BRD10: variants seen among roughly 807,000 people sequenced by gnomAD.
BRD10 encodes bromodomain containing 10, also known as uncharacterized bromodomain-containing protein 10.
At chr9:5,941,456 A>T in the BRD10 span, among the ~76,000 whole-genome samples, 1 of 152,230 alleles carries the variant, frequency 6.6e-6, no homozygotes, top group Non-Finnish European at 1.5e-5. Context: ...TCTCAACCAG[A>T]GGTCTCACTT....
the BRD10 span, among the ~76,000 whole-genome samples, chr9:5,944,256 C>T: frequency 1.3e-5 from 2 of 151,964 alleles, no homozygotes; most frequent in Admixed American, 1.3e-4. Flanking sequence ...TAATAAATAG[C>T]ACAATTGAGT....
chr9:5,908,588 G>A, the BRD10 span: 1 of 1,465,122 alleles, frequency 6.8e-7, no homozygotes, highest in Non-Finnish European at 9.5e-7. Flanking sequence ...TCCCTTCCTA[G>A]AAACACATAC....
the BRD10 span, chr9:5,967,960 T>C: frequency 1.1e-5 from 12 of 1,102,524 alleles, no homozygotes; most frequent in Admixed American, 2.8e-5. Flanking sequence ...TGATGCATAA[T>C]GGAAAAAACA....
chr9:5,924,562 A>G, the BRD10 span: 4,139 of 644,346 alleles, frequency 6.4e-3, 22 homozygotes, highest in Middle Eastern at 0.014. Context: ...CCTAATCAAT[A>G]TATTTCATTG....
the BRD10 span, among the ~76,000 whole-genome samples, chr9:5,952,026 T>TATTTATTTATTCATTC: frequency 1.3e-5 from 2 of 149,386 alleles, no homozygotes; most frequent in Non-Finnish European, 1.5e-5. Flanking sequence ...TTTATTTATT[T>TATTTATTTATTCATTC]ATTTATTTAT....
chr9:6,005,764 T>A, the BRD10 span, among the ~76,000 whole-genome samples: 1 of 152,226 alleles, frequency 6.6e-6, no homozygotes, highest in Admixed American at 6.5e-5. Flanking sequence ...ACAGCAATAA[T>A]GCACTGTGGA....
chr9:5,941,359 TTTC>T, the BRD10 span, among the ~76,000 whole-genome samples: 1 of 152,206 alleles, frequency 6.6e-6, no homozygotes, highest in Admixed American at 6.5e-5. Flanking sequence ...AATGTTCTGA[TTTC>T]TTCTTTAGAT....
the BRD10 span, among the ~76,000 whole-genome samples, chr9:5,966,180 G>A: frequency 6.6e-6 from 1 of 152,130 alleles, no homozygotes; most frequent in South Asian, 2.1e-4. Flanking sequence ...CTAAGGCTTA[G>A]AGTACTTGCT....
chr9:5,972,640 C>T, the BRD10 span, among the ~76,000 whole-genome samples: 4 of 152,272 alleles, frequency 2.6e-5, no homozygotes, highest in South Asian at 2.1e-4. Flanking sequence ...TTTCTCACCA[C>T]GTGATATGTT....
chr9:5,930,766 C>T, the BRD10 span, among the ~76,000 whole-genome samples: 13 of 152,094 alleles, frequency 8.5e-5, no homozygotes, highest in South Asian at 2.1e-3. Context: ...ACACAAAGGA[C>T]GCAAGTTAAA....
chr9:5,926,783 G>T, the BRD10 span, among the ~76,000 whole-genome samples: 1 of 151,868 alleles, frequency 6.6e-6, no homozygotes, highest in East Asian at 1.9e-4. Flanking sequence ...TGCCTGCCTC[G>T]GCCTCCCAAA....
chr9:5,882,605 C>G, the BRD10 span, among the ~76,000 whole-genome samples: 1 of 152,334 alleles, frequency 6.6e-6, no homozygotes, highest in Middle Eastern at 3.4e-3. Context: ...TCCAGTCTCA[C>G]ACTGAAGTCA....
the BRD10 span, chr9:5,924,672 T>A: frequency 2.0e-6 from 3 of 1,504,316 alleles, no homozygotes; most frequent in Non-Finnish European, 2.7e-6. Flanking sequence ...ATCAAAGTGA[T>A]CTTTCTCCAG....
the BRD10 span, among the ~76,000 whole-genome samples, chr9:5,958,205 G>A: frequency 3.9e-5 from 6 of 151,976 alleles, no homozygotes; most frequent in Non-Finnish European, 8.8e-5. Flanking sequence ...ACTATGCTTA[G>A]AACAACTTAA....
At chr9:5,966,407 T>C in the BRD10 span, among the ~76,000 whole-genome samples, 1 of 151,096 alleles carries the variant, frequency 6.6e-6, no homozygotes, top group Non-Finnish European at 1.5e-5. Context: ...AGTTGGGAAG[T>C]AGTTCTAATT....
the BRD10 span, among the ~76,000 whole-genome samples, chr9:5,887,325 C>T: frequency 6.6e-6 from 1 of 152,150 alleles, no homozygotes; most frequent in South Asian, 2.1e-4. Flanking sequence ...CATTGTGTGC[C>T]CAGCATGCTG....
the BRD10 span, among the ~76,000 whole-genome samples, chr9:5,977,461 G>A: frequency 6.6e-6 from 1 of 152,148 alleles, no homozygotes; most frequent in African/African-American, 2.4e-5. Context: ...GGGAATGGGA[G>A]CCTGCTGAAG....
the BRD10 span, among the ~76,000 whole-genome samples, chr9:5,984,399 A>G: frequency 6.6e-6 from 1 of 152,218 alleles, no homozygotes; most frequent in Non-Finnish European, 1.5e-5. Context: ...ATGATAAATT[A>G]AAGCACATCC....
the BRD10 span, chr9:5,921,511 C>T: frequency 1.4e-5 from 23 of 1,613,708 alleles, no homozygotes; most frequent in Admixed American, 3.3e-5. Flanking sequence ...TAGATGTCAG[C>T]GCAGGTGTCA....
Sources: allele counts gnomAD v4.1 joint callset (sites outside exome capture counted in the v4.1 genomes callset), GRCh38; gene constraint gnomAD v4.1.1; transcripts MANE v1.5; gene names NCBI Gene and HGNC (gene_info 2026-07-23, HGNC 2026-07-21).